The following DCBLD1 variants were observed in gnomAD, a reference collection of about 807,000 sequenced individuals.
DCBLD1 encodes discoidin, CUB and LCCL domain-containing protein 1.
Under a neutral mutation model 71.5 loss-of-function variants are expected in DCBLD1, and 57 were observed. The ratio of observed to expected loss-of-function variants is 0.80; its 90% confidence interval spans 0.64 to 0.99. The LOEUF (loss-of-function observed/expected upper bound fraction) is 0.99, where lower values mean the gene tolerates loss of function less well. DCBLD1 is among the 50% of genes least tolerant of loss of function. The pLI, the probability that DCBLD1 is intolerant of heterozygous loss-of-function variation, is 0.00. For synonymous variants in DCBLD1, 380 were observed against 363.8 expected, an observed-to-expected ratio of 1.04 and a Z score of -0.51; for missense variants, 891 against 923.5, an observed-to-expected ratio of 0.96 and a Z score of 0.46.
chr6:117,509,581 T>C (rs1400011336), intron 2 of DCBLD1, among the ~76,000 whole-genome samples: 2 of 152,160 alleles, frequency 1.3e-5, no homozygotes, highest in African/African-American at 4.8e-5. Flanking sequence ...TTCCCTATCC[T>C]CTGCCCCTCT....
At position 117,539,375 on chromosome 6, in the gene DCBLD1, A is replaced by G; in HGVS notation, c.1097A>G (p.Glu366Gly). 1 of 1,602,358 alleles carries G rather than the reference A, an allele frequency of 6.2e-7. No individual in the cohort carries two copies. The highest frequency in any genetic ancestry group is 1.3e-5 in the African/African-American group (1 of 74,108). The change falls in exon 9 of 15, where the codon GAA becomes GGA. Residue 366 changes from glutamate (E) to glycine (G), a missense_variant. By Grantham distance (98) the Glu-to-Gly change is moderately conservative. Coordinates refer to ENST00000338728, the MANE Select transcript of DCBLD1 (RefSeq NM_001366458.2). Reference sequence around the variant, plus strand: ...TATAAAGGAATTGTGAATAATGAAGAAAAGGTAAGAGGTAACCCTAGAGGC... The same window carrying G: ...TATAAAGGAATTGTGAATAATGAAGGAAAGGTAAGAGGTAACCCTAGAGGC... ...KTYKGIVNNE[E>G]KVFQGNSNFR...
At chr6:117,524,775 T>C (rs977828250) in intron 4 of DCBLD1, among the ~76,000 whole-genome samples, 1 of 152,212 alleles carries the variant, frequency 6.6e-6, no homozygotes, top group Admixed American at 6.5e-5. Context: ...TTAAATAGAA[T>C]ATATTATTAA....
At chr6:117,551,555 A>AT (rs1779428319), downstream of DCBLD1, among the ~76,000 whole-genome samples, 1 of 151,814 alleles carries the variant, frequency 6.6e-6, no homozygotes, top group Non-Finnish European at 1.5e-5. Flanking sequence ...AATTTTTTGT[A>AT]TTTTTAGTAG....
chr6:117,521,794 A>G (rs968391811), intron 4 of DCBLD1, among the ~76,000 whole-genome samples: 1 of 152,258 alleles, frequency 6.6e-6, no homozygotes, highest in Non-Finnish European at 1.5e-5. Flanking sequence ...CAGGCCATAC[A>G]ATCTCTGTTG....
intron 4 of DCBLD1, among the ~76,000 whole-genome samples, chr6:117,523,645 T>C (rs1778455238): frequency 6.6e-6 from 1 of 152,234 alleles, no homozygotes; most frequent in Non-Finnish European, 1.5e-5. Context: ...ATTATTTTTA[T>C]TTCTTAATTC....
intron 14 of DCBLD1, among the ~76,000 whole-genome samples, chr6:117,568,232 T>G (rs1779738851): frequency 6.6e-6 from 1 of 151,994 alleles, no homozygotes; most frequent in South Asian, 2.1e-4. Flanking sequence ...GATCGTTTTA[T>G]GTTAAAAGAA....
At chr6:117,509,255 C>T (rs1277714911) in intron 2 of DCBLD1, among the ~76,000 whole-genome samples, 1 of 151,972 alleles carries the variant, frequency 6.6e-6, no homozygotes, top group Admixed American at 6.6e-5. Flanking sequence ...AACATGGCAA[C>T]CCCCCATCTC....
intron 4 of DCBLD1, among the ~76,000 whole-genome samples, chr6:117,523,698 G>T (rs560381239): frequency 1.3e-5 from 2 of 152,274 alleles, no homozygotes; most frequent in East Asian, 3.9e-4. Flanking sequence ...AGGTCAATGG[G>T]AAAAAATTAT....
In DCBLD1 at chr6:117,519,867, G is replaced by T; in HGVS notation, c.377G>T (p.Ser126Ile). ...CCCAAAGAACTCTTGTTGAACACAA[G>T]TGAAGTAACCGTCCGCTTTGAGAGT... ...TVPKELLLNT[S>I]EVTVRFESGS... The change falls in exon 3 of 15, where the codon AGT (serine) becomes ATT (isoleucine). Residue 126 changes from serine (S) to isoleucine (I), a missense_variant. Ser to Ile is a moderately radical substitution (Grantham distance 142). Coordinates refer to ENST00000338728, the MANE Select transcript of DCBLD1 (RefSeq NM_001366458.2). The T allele has an allele frequency of 6.2e-7, 1 of 1,614,146 alleles. No individual in the cohort carries two copies. Among genetic ancestry groups the T allele is most frequent in the Non-Finnish European group, 8.5e-7 (1 of 1,179,984 alleles).
chr6:117,557,561 C>T (rs976055072), intron 14 of DCBLD1, among the ~76,000 whole-genome samples: 1 of 152,048 alleles, frequency 6.6e-6, no homozygotes, highest in Non-Finnish European at 1.5e-5. Context: ...TCAGAAAGTT[C>T]AAGACCAGCC....
chr6:117,549,124 C>CT lies in DCBLD1; in HGVS notation c.*687dup. Reference sequence around the variant, plus strand: ...CAGCTGCCCGTTTCCTTAGTCTCCACTTCAGAGGGGGATGCGAAGAGGTCG... The same window carrying CT: ...CAGCTGCCCGTTTCCTTAGTCTCCACTTTCAGAGGGGGATGCGAAGAGGTCG... On this transcript the variant is annotated 3_prime_UTR_variant, in exon 15 of 15. Coordinates refer to ENST00000338728, the MANE Select transcript of DCBLD1 (RefSeq NM_001366458.2). 1 of 985,778 alleles carries CT rather than the reference C, an allele frequency of 1.0e-6. No homozygotes were observed. Among genetic ancestry groups the CT allele is most frequent in the African/African-American group, 1.7e-5 (1 of 57,358 alleles). 61.1% of individuals were successfully genotyped at this position (985,778 alleles called of 1,614,324 possible). A position where few individuals can be genotyped will look rare whatever the true frequency, so the allele number is the denominator to read the frequency against.
intron 14 of DCBLD1, among the ~76,000 whole-genome samples, chr6:117,546,601 TC>T (rs1259815788): frequency 1.3e-5 from 2 of 152,284 alleles, no homozygotes; most frequent in South Asian, 4.1e-4. Context: ...CCTTTCATTC[TC>T]CTTCAGCTTC....
At chr6:117,551,659 G>A (rs145031751), downstream of DCBLD1, among the ~76,000 whole-genome samples, 3 of 152,276 alleles carry the variant, frequency 2.0e-5, no homozygotes, top group East Asian at 1.9e-4. Context: ...GATTACAGGC[G>A]TGAGCCACCG....
At chr6:117,525,849 G>A (rs1456405407) in intron 5 of DCBLD1, among the ~76,000 whole-genome samples, 3 of 152,036 alleles carry the variant, frequency 2.0e-5, no homozygotes, top group South Asian at 2.1e-4. Context: ...GCTCTTATTC[G>A]CCTTTCTCTT....
At chr6:117,553,096 T>G (rs910249499), downstream of DCBLD1, among the ~76,000 whole-genome samples, 1 of 152,214 alleles carries the variant, frequency 6.6e-6, no homozygotes, top group Non-Finnish European at 1.5e-5. Flanking sequence ...CTATTCACAC[T>G]GTGGCTGTTA....
rs1291448441 is a variant in DCBLD1, at chr6:117,482,799, C to A, written c.18C>A (p.Arg6=). The change falls in exon 1 of 15, where the codon CGC becomes CGA. Residue 6 remains arginine (R), a synonymous_variant. Transcript: ENST00000338728. ...GCGGGGTCATGGTGCCCGGCGCCCG[C>A]GGCGGCGGCGCACTGGCGCGGGCTG... MVPGA[R]GGGALARAAG... is the part of the protein sequence containing the mutation. 1 of 1,147,686 alleles carries A rather than the reference C, an allele frequency of 8.7e-7. No individual in the cohort carries two copies. Among genetic ancestry groups the A allele is most frequent in the Non-Finnish European group, 1.1e-6 (1 of 934,718 alleles). 71.1% of individuals were successfully genotyped at this position (1,147,686 alleles called of 1,614,324 possible).
chr6:117,503,790 A>G lies in DCBLD1; in HGVS notation c.136A>G (p.Thr46Ala), dbSNP rs1409995654. ...ELGDGCGHLV[T>A]YQDSGTMTSK... is the part of the protein sequence containing the mutation. ...AGGTGATGGCTGTGGACACCTAGTG[A>G]CTTATCAGGATAGTGGCACAATGAC... is the stretch of plus-strand genomic sequence containing the variant. The change falls in exon 2 of 15, where the codon ACT (threonine) becomes GCT (alanine). Residue 46 changes from threonine to alanine, a missense_variant. Transcript: ENST00000338728. 1.2e-6 allele frequency: 2 copies of G among 1,613,972 alleles called. No individual in the cohort carries two copies. The highest frequency in any genetic ancestry group is 2.2e-5 in the East Asian group (1 of 44,854).
chr6:117,540,868 C>T (rs777851607), intron 10 of DCBLD1, 50 bp from the exon 11 acceptor site: 27 of 1,613,726 alleles, frequency 1.7e-5, no homozygotes, highest in Admixed American at 5.0e-5. Context: ...TATTTTTTTT[C>T]GCCTATCATT....
chr6:117,566,898 C>T, intron 14 of DCBLD1: 1 of 1,604,278 alleles, frequency 6.2e-7, no homozygotes, highest in Non-Finnish European at 8.5e-7. Flanking sequence ...GCAACTAGCA[C>T]CAGGGTTACC....
Sources: allele counts gnomAD v4.1 joint callset (sites outside exome capture counted in the v4.1 genomes callset), GRCh38; gene constraint gnomAD v4.1.1; transcripts MANE v1.5; gene names NCBI Gene and HGNC (gene_info 2026-07-23, HGNC 2026-07-21).